PTPRD: variants seen among roughly 807,000 people sequenced by gnomAD.
PTPRD encodes protein tyrosine phosphatase receptor type D, also known as receptor-type tyrosine-protein phosphatase delta.
PTPRD carries 34 observed loss-of-function variants against 214.5 expected under a neutral mutation model. The ratio of observed to expected loss-of-function variants is 0.16; its 90% CI spans 0.12 to 0.21. The LOEUF is 0.21. PTPRD is among the 10% of genes least tolerant of loss of function. The probability of loss-of-function intolerance (pLI) is 1.00; values close to 1 mark genes in which losing one functional copy is unlikely to be tolerated. For synonymous variants in PTPRD, 1,128 were observed against 845.7 expected, an observed-to-expected ratio of 1.33 and a Z score of -5.79; for missense variants, 2,545 against 2,398.7, an observed-to-expected ratio of 1.06 and a Z score of -1.27.
intron 11 of PTPRD, among the ~76,000 whole-genome samples, chr9:8,748,536 A>AAAG (rs1160655346): frequency 8.5e-6 from 1 of 117,646 alleles, no homozygotes; most frequent in African/African-American, 3.2e-5. Context: ...AAAAAAAAAA[A>AAAG]AAAAGAAAAA....
chr9:9,790,884 T>A (rs1003170070), intron 5 of PTPRD, among the ~76,000 whole-genome samples: 10 of 152,190 alleles, frequency 6.6e-5, no homozygotes, highest in African/African-American at 2.2e-4. Context: ...TACAAGTACA[T>A]GTAAAAACCC....
intron 4 of PTPRD, among the ~76,000 whole-genome samples, chr9:10,016,390 T>TAGATAGAC (rs928295930): frequency 7.0e-6 from 1 of 142,570 alleles, no homozygotes; most frequent in African/African-American, 2.7e-5. Context: ...GATAGATAGA[T>TAGATAGAC]AGATAGACAG....
At chr9:9,247,066 C>T (rs1018033542) in intron 9 of PTPRD, among the ~76,000 whole-genome samples, 1 of 151,974 alleles carries the variant, frequency 6.6e-6, no homozygotes, top group Non-Finnish European at 1.5e-5. Flanking sequence ...ATTCCTTTTC[C>T]CCAAAGCAAA....
At chr9:9,633,510 A>G (rs911846502) in intron 7 of PTPRD, among the ~76,000 whole-genome samples, 1 of 125,240 alleles carries the variant, frequency 8.0e-6, no homozygotes, top group African/African-American at 3.2e-5. Context: ...TTTAGATGTA[A>G]GGTTAAAAGT....
chr9:8,357,978 A>G (rs1481120321), intron 39 of PTPRD, among the ~76,000 whole-genome samples: 2 of 152,190 alleles, frequency 1.3e-5, no homozygotes, highest in Non-Finnish European at 2.9e-5. Context: ...TTGGTCTTTG[A>G]GAGTAATTCT....
intron 4 of PTPRD, among the ~76,000 whole-genome samples, chr9:9,963,693 C>A (rs758347807): frequency 6.6e-6 from 1 of 152,058 alleles, no homozygotes; most frequent in Non-Finnish European, 1.5e-5. Context: ...GTAATAAAAA[C>A]CCCAAGTTCA....
intron 2 of PTPRD, among the ~76,000 whole-genome samples, chr9:10,368,488 C>T (rs1200235484): frequency 6.6e-6 from 1 of 151,972 alleles, no homozygotes; most frequent in African/African-American, 2.4e-5. Context: ...ACATTCAATG[C>T]AATGGGTTTT....
At chr9:9,901,139 G>T (rs1421604351) in intron 5 of PTPRD, among the ~76,000 whole-genome samples, 1 of 152,206 alleles carries the variant, frequency 6.6e-6, no homozygotes, top group African/African-American at 2.4e-5. Context: ...ATAACACGGC[G>T]AGACTGGAAG....
chr9:8,501,247 A>T (rs2097399034), intron 23 of PTPRD, among the ~76,000 whole-genome samples, 188 bp from the exon 24 acceptor site: 1 of 152,258 alleles, frequency 6.6e-6, no homozygotes, highest in African/African-American at 2.4e-5. Flanking sequence ...TGAATAAACC[A>T]AAAAGAGAAT....
chr9:9,942,840 A>T lies in PTPRD; in HGVS notation c.-471-4230T>A, dbSNP rs569398126. Among the ~76,000 whole-genome samples, 4 of 150,420 alleles carry T rather than the reference A, an allele frequency of 2.7e-5. No homozygotes were observed. The South Asian group carries it at 8.4e-4, about 32-fold the overall frequency. ...TATAACATTCTTTATCATCCTATAC[A>T]TTTTCAAAATGAATGAAAGCCATTA... On this transcript the variant is annotated intron_variant, in intron 4 of 45. Transcript: ENST00000381196.
At chr9:9,443,495 G>A (rs2089121364) in intron 8 of PTPRD, among the ~76,000 whole-genome samples, 1 of 152,228 alleles carries the variant, frequency 6.6e-6, no homozygotes. Flanking sequence ...GAATGTAACA[G>A]AAGTTTGACT....
chr9:10,108,022 C>T (rs1306471242), intron 3 of PTPRD, among the ~76,000 whole-genome samples: 2 of 151,902 alleles, frequency 1.3e-5, no homozygotes, highest in African/African-American at 4.8e-5. Context: ...TTTTTGGCTG[C>T]CATGTGGTTG....
chr9:10,454,385 C>T (rs984339574), intron 2 of PTPRD, among the ~76,000 whole-genome samples: 1 of 151,356 alleles, frequency 6.6e-6, no homozygotes, highest in Non-Finnish European at 1.5e-5. Context: ...TCTCCAGGAT[C>T]CTTGAGCCAA....
Position 9,049,042 on chromosome 9 carries a change from CT to C in PTPRD, c.-142-30308del, listed in dbSNP as rs2099679337. Among the ~76,000 whole-genome samples, 4 of 152,200 alleles carry C rather than the reference CT, an allele frequency of 2.6e-5. No individual in the cohort carries two copies. The South Asian group carries it at 8.3e-4, about 32-fold the overall frequency. ...AAAATACATGGCCCACAGGCCAGCACTTGCCATCCCTTGCTATATACCAAGC... is the reference window on the plus strand; with the variant it reads ...AAAATACATGGCCCACAGGCCAGCACTGCCATCCCTTGCTATATACCAAGC... On this transcript the variant is annotated intron_variant, in intron 10 of 45. Transcript: ENST00000381196.
chr9:8,804,241 C>T lies in PTPRD; in HGVS notation c.-103-70295G>A, dbSNP rs1190101682. ...GTGCAGGAATTACAAGCGTGAGCCA[C>T]TGTGCCCAGCCCCTCATTTCTCTTA... On this transcript the variant is annotated intron_variant, in intron 11 of 45. Coordinates refer to ENST00000381196, the MANE Select transcript of PTPRD (RefSeq NM_002839.4). Among the ~76,000 whole-genome samples, 5 of 152,172 alleles carry T rather than the reference C, an allele frequency of 3.3e-5. No homozygotes were observed. The South Asian group carries it at 1.0e-3, about 32-fold the overall frequency.
intron 11 of PTPRD, among the ~76,000 whole-genome samples, chr9:8,914,238 T>C (rs2154263637): frequency 6.6e-6 from 1 of 152,294 alleles, no homozygotes; most frequent in African/African-American, 2.4e-5. Flanking sequence ...AATTATTCTT[T>C]AATTTTAAAA....
chr9:8,839,322 T>TTATTTATG (rs1566512679), intron 11 of PTPRD, among the ~76,000 whole-genome samples: 1 of 151,364 alleles, frequency 6.6e-6, no homozygotes, highest in African/African-American at 2.4e-5. Flanking sequence ...ATTTATTTAT[T>TTATTTATG]TATTTATTTA....
At chr9:10,262,136 A>C (rs994156097) in intron 3 of PTPRD, among the ~76,000 whole-genome samples, 21 of 152,196 alleles carry the variant, frequency 1.4e-4, no homozygotes, top group Non-Finnish European at 2.9e-5. Flanking sequence ...TTAAGACTGA[A>C]ATTATTTAAA....
chr9:9,140,294 C>T (rs570319259), intron 10 of PTPRD, among the ~76,000 whole-genome samples: 3 of 152,130 alleles, frequency 2.0e-5, no homozygotes, highest in South Asian at 2.1e-4. Context: ...TTACATACAC[C>T]CCACCTTATT....
Sources: gnomAD v4.1 joint callset for allele counts (sites outside exome capture counted in the v4.1 genomes callset) on GRCh38, gnomAD v4.1.1 for gene constraint, MANE v1.5 for transcripts, NCBI Gene and HGNC (gene_info 2026-07-23, HGNC 2026-07-21) for gene names.